The following LAMA3 variants were observed in gnomAD, a reference collection of about 807,000 sequenced individuals.
The protein encoded by LAMA3 is laminin subunit alpha-3.
Under a neutral mutation model 402.0 loss-of-function variants are expected in LAMA3, and 281 were observed. The ratio of observed to expected loss-of-function variants is 0.70; its 90% CI spans 0.63 to 0.77. The LOEUF is 0.77. LAMA3 is among the 30% of genes least tolerant of loss of function. The pLI is 0.00. For missense variants in LAMA3, 3,840 were observed against 4,215.5 expected, an observed-to-expected ratio of 0.91 and a Z score of 2.47; for synonymous variants, 1,431 against 1,558.4, an observed-to-expected ratio of 0.92 and a Z score of 1.93.
chr18:23,742,882 C>T (rs2061587093), intron 2 of LAMA3, among the ~76,000 whole-genome samples: 1 of 152,118 alleles, frequency 6.6e-6, no homozygotes, highest in Admixed American at 6.5e-5. Flanking sequence ...ACTGATCTCA[C>T]TTTTATTATA....
At chr18:23,810,592 G>T in intron 13 of LAMA3, 89 bp downstream of exon 13, 1 of 1,437,642 alleles carries the variant, frequency 7.0e-7, no homozygotes, top group Middle Eastern at 1.8e-4. Context: ...ATCCCCCACA[G>T]ACTCACCACT....
intron 24 of LAMA3, 77 bp downstream of exon 24, chr18:23,834,065 TGC>T: frequency 6.6e-7 from 1 of 1,526,246 alleles, no homozygotes; most frequent in Non-Finnish European, 9.1e-7. Context: ...GGCTGTTACT[TGC>T]ATTGGGAGGT....
At position 23,689,545 on chromosome 18, in the gene LAMA3, AGG is replaced by A; in HGVS notation, c.-136_-135del. On this transcript the variant is annotated 5_prime_UTR_variant, in exon 1 of 75. Transcript: ENST00000313654. ...CCGCGGGCTTCCAGCGCGTGGAGCAAGGGGAGCGGCCCCGGCGCCGCCCATAT... is the reference window on the plus strand; with the variant it reads ...CCGCGGGCTTCCAGCGCGTGGAGCAAGGAGCGGCCCCGGCGCCGCCCATAT... 1.2e-6 allele frequency: 1 copy of A among 813,550 alleles called. No individual in the cohort carries two copies. The highest frequency in any genetic ancestry group is 1.6e-6 in the Non-Finnish European group (1 of 612,066). 50.4% of individuals were successfully genotyped at this position (813,550 alleles called of 1,614,324 possible).
At chr18:23,714,831 C>T (rs1292157755) in intron 2 of LAMA3, among the ~76,000 whole-genome samples, 2 of 152,156 alleles carry the variant, frequency 1.3e-5, no homozygotes, top group East Asian at 3.8e-4. Context: ...ACTCCCCATT[C>T]CCCTTTCTCC....
chr18:23,708,710 T>C (rs1162762332), intron 1 of LAMA3, among the ~76,000 whole-genome samples: 2 of 152,140 alleles, frequency 1.3e-5, no homozygotes, highest in Non-Finnish European at 2.9e-5. Context: ...ATTTCTAAAA[T>C]TCTCTTTAGC....
At position 23,776,540 on chromosome 18, in the gene LAMA3, A is replaced by G. The variant is rs544651479; in HGVS notation, c.1405+617A>G. ...AAACTGCACTTTGGGGTTAGGACAA[A>G]GAAACACTGTCACAAGGAGAGCCTG... On this transcript the variant is annotated intron_variant, in intron 10 of 74. Coordinates refer to ENST00000313654, the MANE Select transcript of LAMA3 (RefSeq NM_198129.4). 3.9e-5 allele frequency among the ~76,000 whole-genome samples: 6 copies of G among 152,318 alleles called. No homozygotes were observed. The South Asian group carries it at 6.2e-4, about 16-fold the overall frequency.
chr18:23,693,557 C>T (rs2060632408), intron 1 of LAMA3, among the ~76,000 whole-genome samples: 1 of 149,648 alleles, frequency 6.7e-6, no homozygotes, highest in Middle Eastern at 3.5e-3. Context: ...GAGAAACGTA[C>T]AGTGCATTAT....
chr18:23,927,696 A>G (rs1215260276), intron 62 of LAMA3, among the ~76,000 whole-genome samples: 2 of 152,246 alleles, frequency 1.3e-5, no homozygotes, highest in Non-Finnish European at 2.9e-5. Flanking sequence ...AAGGTTTTCT[A>G]GAGCACTCCT....
chr18:23,909,677 A>C (rs545259243), intron 55 of LAMA3, among the ~76,000 whole-genome samples: 1 of 152,328 alleles, frequency 6.6e-6, no homozygotes, highest in African/African-American at 2.4e-5. Context: ...AAAGTTGTAG[A>C]ATCCATCTTT....
At chr18:23,785,595 TCTC>T (rs2062528093) in intron 12 of LAMA3, among the ~76,000 whole-genome samples, 1 of 152,200 alleles carries the variant, frequency 6.6e-6, no homozygotes, top group African/African-American at 2.4e-5. Flanking sequence ...GCACCTTTCT[TCTC>T]CTGACCTATA....
chr18:23,901,052 T>TCC, intron 47 of LAMA3, 75 bp from the exon 48 acceptor site: 1 of 1,312,190 alleles, frequency 7.6e-7, no homozygotes, highest in African/African-American at 1.4e-5. Context: ...AACTCGATTC[T>TCC]CCCTTTGTAG....
intron 22 of LAMA3, among the ~76,000 whole-genome samples, chr18:23,827,088 A>G (rs1376420634): frequency 6.6e-6 from 1 of 152,218 alleles, no homozygotes; most frequent in Non-Finnish European, 1.5e-5. Flanking sequence ...TGGGAGGAAG[A>G]GCTTAAAATA....
chr18:23,788,582 G>A (rs2062591305), intron 12 of LAMA3, among the ~76,000 whole-genome samples: 3 of 151,878 alleles, frequency 2.0e-5, no homozygotes, highest in East Asian at 1.9e-4. Context: ...TTAAACATGA[G>A]TGGATTCAAC....
chr18:23,816,806 A>G (rs974397830), intron 18 of LAMA3, among the ~76,000 whole-genome samples: 3 of 152,146 alleles, frequency 2.0e-5, no homozygotes, highest in African/African-American at 7.2e-5. Flanking sequence ...TCCATGTGCA[A>G]GTTGGAGCAG....
rs2063731633 is a variant in LAMA3, at chr18:23,842,725, T to C, written c.3578T>C (p.Val1193Ala). Reference sequence around the variant, plus strand: ...CCTGAAGTGGCCGCAACTGTGAAGGTTCCAGAAGGAAAGTCCTTGGTTTTG... The same window carrying C: ...CCTGAAGTGGCCGCAACTGTGAAGGCTCCAGAAGGAAAGTCCTTGGTTTTG... ...SEPEVAATVK[V>A]PEGKSLVLVR... Residue 1193 changes from valine (V) to alanine (A), a missense_variant, in exon 29 of 75, where the codon GTT (valine) becomes GCT (alanine). Val to Ala is a moderately conservative substitution (Grantham distance 64). This residue lies in a region of LAMA3 where 2,109 missense variants were observed against 2,376.0 expected (regional missense o/e 0.89). Transcript: ENST00000313654. The C allele has an allele frequency of 6.2e-7, 1 of 1,614,120 alleles. No individual in the cohort carries two copies. Among genetic ancestry groups the C allele is most frequent in the Non-Finnish European group, 8.5e-7 (1 of 1,180,052 alleles).
rs539012940 is a variant in LAMA3 at position 23,901,943 on chromosome 18, C to T, written c.6201+620C>T. Among the ~76,000 whole-genome samples, 66 of 152,378 alleles carry T rather than the reference C, an allele frequency of 4.3e-4. 1 individual carries two copies. The highest frequency in any genetic ancestry group is 1.5e-3 in the African/African-American group (62 of 41,592). On this transcript the variant is annotated intron_variant, in intron 48 of 74. Coordinates refer to ENST00000313654, the MANE Select transcript of LAMA3 (RefSeq NM_198129.4). ...TCCTGACCTCAGGTGATCCACTCGC[C>T]TCAGCCTCCCAAAGTGATGGGATTA...
At chr18:23,817,749 G>T in intron 18 of LAMA3, among the ~76,000 whole-genome samples, 1 of 152,196 alleles carries the variant, frequency 6.6e-6, no homozygotes, top group African/African-American at 2.4e-5. Flanking sequence ...TAACCCAGCC[G>T]CACTTTCCCT....
intron 1 of LAMA3, among the ~76,000 whole-genome samples, chr18:23,690,730 C>T (rs1212586969): frequency 6.6e-6 from 1 of 151,006 alleles, no homozygotes; most frequent in East Asian, 2.0e-4. Flanking sequence ...CCCGCCTCAG[C>T]CTTGGGCGTA....
intron 14 of LAMA3, among the ~76,000 whole-genome samples, chr18:23,813,794 A>G (rs1342809615): frequency 2.0e-5 from 3 of 151,976 alleles, no homozygotes; most frequent in South Asian, 2.1e-4. Context: ...CACCTGCCTC[A>G]GCCTCCCAAA....
Sources: gnomAD v4.1 joint callset for allele counts (sites outside exome capture counted in the v4.1 genomes callset) on GRCh38, gnomAD v4.1.1 for gene constraint, gnomAD v4.1.1 regional missense constraint, MANE v1.5 for transcripts, NCBI Gene and HGNC (gene_info 2026-07-23, HGNC 2026-07-21) for gene names.